MUC3A: variants seen among roughly 807,000 people sequenced by gnomAD.
MUC3A encodes mucin-3A.
Under a neutral mutation model 109.0 loss-of-function variants are expected in MUC3A, and 109 were observed. The ratio of observed to expected loss-of-function variants is 1.00; its 90% confidence interval spans 0.86 to 1.17. MUC3A has a LOEUF of 1.17. MUC3A is among the 50% of genes most tolerant of loss of function. The pLI is 0.00. For missense variants in MUC3A, 3,537 were observed against 2,469.4 expected (o/e 1.43, Z -9.16); for synonymous variants, 1,398 against 981.4 (o/e 1.42, Z -7.93).
rs1347635879 is a variant in MUC3A, at chr7:100,967,481, C to T, written c.*319C>T. On this transcript the variant is annotated 3_prime_UTR_variant, in exon 12 of 12. Coordinates refer to ENST00000379458, the MANE Select transcript of MUC3A (RefSeq NM_005960.2). ...GCCGTTGTTGTGAAAACCACATAGA[C>T]TTGGTCAATTCTCGGTCCTACTCTG... is the stretch of plus-strand genomic sequence containing the variant. 11 of 569,412 alleles carry T rather than the reference C, an allele frequency of 1.9e-5. No individual in the cohort carries two copies. The East Asian group carries it at 3.1e-4, about 16-fold the overall frequency. 35.3% of individuals were successfully genotyped at this position (569,412 alleles called of 1,614,324 possible). A position where few individuals can be genotyped will look rare whatever the true frequency, so the allele number is the denominator to read the frequency against.
chr7:100,949,711 T>C (rs1270525026), intron 1 of MUC3A, 26 bp downstream of exon 1: 21 of 1,506,862 alleles, frequency 1.4e-5, no homozygotes, highest in Non-Finnish European at 1.9e-5. Context: ...GGAAGGGGGT[T>C]GGAGAAAAGC....
rs1792140171 is a variant in MUC3A, at chr7:100,957,759, T to A, written c.5980T>A (p.Ser1994Thr). 1.5e-5 allele frequency: 19 copies of A among 1,241,514 alleles called. No individual in the cohort carries two copies. In the South Asian group the frequency reaches 1.8e-4, roughly 12 times the overall value. 76.9% of individuals were successfully genotyped at this position (1,241,514 alleles called of 1,614,324 possible). Residue 1994 changes from serine to threonine, a missense_variant, in exon 2 of 12, where the codon TCT becomes ACT. Physicochemically the swap from Ser to Thr is moderately conservative, Grantham distance 58. Coordinates refer to ENST00000379458, the MANE Select transcript of MUC3A (RefSeq NM_005960.2). ...CTCACACAGTACTCCCAGCTACACT[T>A]CTTTGATCACCACAACCACCACCAC... ...TTSHSTPSYT[S>T]LITTTTTTSH... is the part of the protein sequence containing the mutation.
At chr7:100,965,120 A>G in intron 6 of MUC3A, 162 bp from the exon 7 acceptor site, 1 of 1,162,148 alleles carries the variant, frequency 8.6e-7, no homozygotes, top group South Asian at 1.4e-5. Context: ...GGCAGGCAAC[A>G]GGAGTCTTCG....
intron 7 of MUC3A, 134 bp from the exon 8 acceptor site, chr7:100,965,569 TC>T: frequency 6.8e-7 from 1 of 1,469,916 alleles, no homozygotes; most frequent in Non-Finnish European, 9.0e-7. Flanking sequence ...CCTCATCGAA[TC>T]CCAGGGTCTA....
At position 100,952,381 on chromosome 7, in the gene MUC3A, T is replaced by A. The variant is rs1358038302; in HGVS notation, c.602T>A (p.Val201Glu). 6.3e-7 allele frequency: 1 copy of A among 1,598,416 alleles called. No individual in the cohort carries two copies. Among genetic ancestry groups the A allele is most frequent in the African/African-American group, 1.3e-5 (1 of 74,948 alleles). The stretch of plus-strand genomic sequence containing the variant: ...ACCACTGCAAGGGAAACTCCCATAG[T>A]GACAGTGACACCCTCCTCTGTGTCA... ...STTTARETPI[V>E]TVTPSSVSAT... The change falls in exon 2 of 12, where the codon GTG (valine) becomes GAG (glutamate). Residue 201 changes from valine (V) to glutamate (E), a missense_variant. Transcript: ENST00000379458.
At chr7:100,966,866 C>T (rs778928948) in intron 10 of MUC3A, 33 bp from the exon 11 acceptor site, 2 of 1,598,488 alleles carry the variant, frequency 1.3e-6, no homozygotes, top group East Asian at 2.2e-5. Context: ...CCTCCCTCTC[C>T]CCTTCTCTTT....
Position 100,960,266 on chromosome 7 carries a change from G to A in MUC3A, c.8487G>A (p.Met2829Ile), listed in dbSNP as rs1309071961. The stretch of plus-strand genomic sequence containing the variant: ...TCCAAACTACTCTTACTACATATAT[G>A]GACACTTCTTCCATGATGCCAGAAA... ...ISIQTTLTTY[M>I]DTSSMMPESE... The change falls in exon 2 of 12, where the codon ATG (methionine) becomes ATA (isoleucine). Residue 2829 changes from methionine (M) to isoleucine (I), a missense_variant. Transcript: ENST00000379458. The A allele has an allele frequency of 6.3e-7, 1 of 1,598,550 alleles. No homozygotes were observed. The highest frequency in any genetic ancestry group is 8.5e-7 in the Non-Finnish European group (1 of 1,179,826).
chr7:100,952,271 G>A lies in MUC3A; in HGVS notation c.492G>A (p.Gln164=), dbSNP rs1398821545. Residue 164 remains glutamine (Q), a synonymous_variant, in exon 2 of 12, where the codon CAG becomes CAA. Coordinates refer to ENST00000379458, the MANE Select transcript of MUC3A (RefSeq NM_005960.2). The part of the protein sequence containing the change: ...TSSYTSTPVT[Q]KPVTTVTSTY... ...CTTACACCTCGACTCCCGTGACACA[G>A]AAGCCAGTGACCACCGTCACCAGTA... 3.8e-6 allele frequency: 6 copies of A among 1,598,340 alleles called. No homozygotes were observed. The highest frequency in any genetic ancestry group is 5.1e-6 in the Non-Finnish European group (6 of 1,179,738).
At chr7:100,962,096 G>A (rs1792348703) in intron 3 of MUC3A, among the ~76,000 whole-genome samples, 1 of 103,736 alleles carries the variant, frequency 9.6e-6, no homozygotes, top group African/African-American at 3.0e-5. Flanking sequence ...GCCGGGCGTA[G>A]TGGCGGGCGC....
Position 100,967,215 on chromosome 7 carries a change from C to T in MUC3A, c.*53C>T. On this transcript the variant is annotated 3_prime_UTR_variant, in exon 12 of 12. Coordinates refer to ENST00000379458, the MANE Select transcript of MUC3A (RefSeq NM_005960.2). Reference sequence around the variant, plus strand: ...TCCGCCCTGCCCCGGACACAAGGGTCTGCATTGCGTCCATTTCAAGAGGTG... The same window carrying T: ...TCCGCCCTGCCCCGGACACAAGGGTTTGCATTGCGTCCATTTCAAGAGGTG... The T allele has an allele frequency of 6.3e-7, 1 of 1,596,790 alleles. No homozygotes were observed. Among genetic ancestry groups the T allele is most frequent in the Non-Finnish European group, 8.5e-7 (1 of 1,178,818 alleles).
At chr7:100,963,303 T>TTTTTTTTTTTGA in intron 4 of MUC3A, 37 bp downstream of exon 4, 12 of 1,393,012 alleles carry the variant, frequency 8.6e-6, no homozygotes, top group Admixed American at 2.1e-5. Flanking sequence ...TTTTTTTTTT[T>TTTTTTTTTTTGA]GAGGTGTAGT....
In MUC3A at chr7:100,960,454, C is replaced by T. The variant is rs747950347; in HGVS notation, c.8675C>T (p.Thr2892Ile). ...PLPGVSTIPL[T>I]MKPSSSLPTI... ...CCTGGCGTCTCTACCATCCCGCTCACCATGAAACCAAGCAGTAGCCTCCCG... is the reference window on the plus strand; with the variant it reads ...CCTGGCGTCTCTACCATCCCGCTCATCATGAAACCAAGCAGTAGCCTCCCG... Residue 2892 changes from threonine (T) to isoleucine (I), a missense_variant, in exon 2 of 12, where the codon ACC (threonine) becomes ATC (isoleucine). Coordinates refer to ENST00000379458, the MANE Select transcript of MUC3A (RefSeq NM_005960.2). 1 of 1,598,636 alleles carries T rather than the reference C, an allele frequency of 6.3e-7. No homozygotes were observed. The highest frequency in any genetic ancestry group is 2.2e-5 in the East Asian group (1 of 44,892).
At position 100,967,274 on chromosome 7, in the gene MUC3A, T is replaced by C; in HGVS notation, c.*112T>C. On this transcript the variant is annotated 3_prime_UTR_variant, in exon 12 of 12. Transcript: ENST00000379458. ...ACGCGGGCAGCCCAGGCTCCTGCTGTTCTTGGGCAAGATGAGACTGTTCCC... is the reference window on the plus strand; with the variant it reads ...ACGCGGGCAGCCCAGGCTCCTGCTGCTCTTGGGCAAGATGAGACTGTTCCC... 1 of 1,509,754 alleles carries C rather than the reference T, an allele frequency of 6.6e-7. No individual in the cohort carries two copies. Among genetic ancestry groups the C allele is most frequent in the East Asian group, 2.4e-5 (1 of 41,692 alleles). The allele number at this position is 1,509,754 out of a possible 1,614,324, so 93.5% of individuals were successfully genotyped here.
At position 100,954,040 on chromosome 7, in the gene MUC3A, C is replaced by G. The variant is rs1453964844; in HGVS notation, c.2261C>G (p.Thr754Arg). The change falls in exon 2 of 12, where the codon ACA (threonine) becomes AGA (arginine). Residue 754 changes from threonine (T) to arginine (R), a missense_variant. Thr to Arg is a moderately conservative substitution (Grantham distance 71). Transcript: ENST00000379458. ...TCTCCCTTGGTCTCAACTGCAAAAA[C>G]AGCCAAAACTCCTACCACAAACTTG... ...PTSPLVSTAKTAKTPTTNLVT... is the reference protein window; with the variant it reads ...PTSPLVSTAKRAKTPTTNLVT... 1 of 383,396 alleles carries G rather than the reference C, an allele frequency of 2.6e-6. No homozygotes were observed. Among genetic ancestry groups the G allele is most frequent in the Non-Finnish European group, 4.4e-6 (1 of 228,218 alleles). The allele number at this position is 383,396 out of a possible 1,614,324, so 23.7% of individuals were successfully genotyped here.
chr7:100,966,755 C>G lies in MUC3A; in HGVS notation c.9877+12C>G, dbSNP rs1259252696. The G allele has an allele frequency of 3.1e-6, 5 of 1,598,378 alleles. No individual in the cohort carries two copies. In the African/African-American group the frequency reaches 6.7e-5, roughly 21 times the overall value. On this transcript the variant is annotated intron_variant, in intron 10 of 11. Transcript: ENST00000379458. ...GGACGACGGAACAGGTGAGTCCTGCCTCCTGGGGAAGCAGGCAGAGGCTTT... is the reference window on the plus strand; with the variant it reads ...GGACGACGGAACAGGTGAGTCCTGCGTCCTGGGGAAGCAGGCAGAGGCTTT...
At position 100,958,556 on chromosome 7, in the gene MUC3A, G is replaced by A. The variant is rs142726350; in HGVS notation, c.6777G>A (p.Ser2259=). 4.1e-3 allele frequency: 879 copies of A among 211,820 alleles called. 5 individuals carry two copies. The East Asian group carries it at 0.052, about 13-fold the overall frequency. The allele number at this position is 211,820 out of a possible 1,614,324, so 13.1% of individuals were successfully genotyped here. Residue 2259 remains serine (S), a synonymous_variant, in exon 2 of 12, where the codon TCG becomes TCA. Transcript: ENST00000379458. Reference sequence around the variant, plus strand: ...ACAGTACTCCCAGCTTCACTTCTTCGATCACCACCACTGAGACCACCTCAC... The same window carrying A: ...ACAGTACTCCCAGCTTCACTTCTTCAATCACCACCACTGAGACCACCTCAC... ...TSHSTPSFTS[S]ITTTETTSHD...
intron 7 of MUC3A, 22 bp from the exon 8 acceptor site, chr7:100,965,682 C>T: frequency 1.9e-6 from 3 of 1,591,916 alleles, no homozygotes; most frequent in Middle Eastern, 1.7e-4. Flanking sequence ...TGTCTCTGTG[C>T]ATCCCCCTCC....
In MUC3A at chr7:100,960,644, A is replaced by C. The variant is rs772694344; in HGVS notation, c.8865A>C (p.Ala2955=). The part of the protein sequence containing the change: ...MTTQSTLTTT[A]GTCDNGGTWE... ...CACAGTCCACGTTGACCACCACTGC[A>C]GGTTGGACCTTCTGCCTCTCTGTTC... The change falls in exon 2 of 12, where the codon GCA becomes GCC. Residue 2955 remains alanine, a splice_region_variant and synonymous_variant. Transcript: ENST00000379458. The C allele has an allele frequency of 1.4e-5, 22 of 1,596,884 alleles. No individual in the cohort carries two copies. The highest frequency in any genetic ancestry group is 1.0e-4 in the Admixed American group (6 of 59,890).
Position 100,952,533 on chromosome 7 carries a change from G to T in MUC3A, c.754G>T (p.Ala252Ser). Residue 252 changes from alanine (A) to serine (S), a missense_variant, in exon 2 of 12, where the codon GCA (alanine) becomes TCA (serine). Transcript: ENST00000379458. ...PTPVFTTLKT[A>S]VTSTSPITSS... ...CCCAGTATTTACTACTCTCAAAACA[G>T]CAGTGACTTCCACTTCCCCCATCAC... 2 of 1,598,494 alleles carry T rather than the reference G, an allele frequency of 1.3e-6. No homozygotes were observed. Among genetic ancestry groups the T allele is most frequent in the South Asian group, 1.1e-5 (1 of 91,080 alleles).
Sources: allele counts gnomAD v4.1 joint callset (sites outside exome capture counted in the v4.1 genomes callset), GRCh38; gene constraint gnomAD v4.1.1; transcripts MANE v1.5; gene names NCBI Gene and HGNC (gene_info 2026-07-23, HGNC 2026-07-21).